BBS9: variants seen among roughly 807,000 people sequenced by gnomAD.
BBS9 encodes Bardet-Biedl syndrome 9, also known as protein PTHB1.
In BBS9, 89 loss-of-function variants were observed where a neutral mutation model predicts 117.7. That is an observed-to-expected ratio of 0.76 (90% confidence interval 0.64 to 0.90). The LOEUF is 0.90. Ranked by LOEUF, BBS9 falls within the 40% of genes least tolerant of loss-of-function variation. The pLI, the probability that BBS9 is intolerant of heterozygous loss-of-function variation, is 0.00. For synonymous variants in BBS9, 379 were observed against 370.9 expected, an observed-to-expected ratio of 1.02 and a Z score of -0.25; for missense variants, 982 against 1,042.2, an observed-to-expected ratio of 0.94 and a Z score of 0.80.
At chr7:33,408,975 A>T (rs1243771605) in intron 19 of BBS9, among the ~76,000 whole-genome samples, 2 of 152,086 alleles carry the variant, frequency 1.3e-5, no homozygotes, top group Non-Finnish European at 1.5e-5. Flanking sequence ...ATGAACATTT[A>T]TTCATATGTT....
intron 21 of BBS9, among the ~76,000 whole-genome samples, chr7:33,545,481 T>TG (rs1853156159): frequency 6.6e-6 from 1 of 152,124 alleles, no homozygotes; most frequent in Non-Finnish European, 1.5e-5. Flanking sequence ...GTTTCTGCAG[T>TG]GGGGGTGTGT....
At chr7:33,629,143 A>AC (rs1242084997) in intron 21 of BBS9, among the ~76,000 whole-genome samples, 5 of 152,208 alleles carry the variant, frequency 3.3e-5, no homozygotes, top group African/African-American at 1.2e-4. Context: ...GAGCCTGTAC[A>AC]CAAGGAGCAA....
chr7:33,231,445 T>G (rs1792401958), intron 5 of BBS9, among the ~76,000 whole-genome samples: 1 of 125,754 alleles, frequency 8.0e-6, no homozygotes, highest in South Asian at 2.4e-4. Flanking sequence ...TTTTTTTTTT[T>G]GCCAGGACCA....
At chr7:33,300,079 A>G (rs1806067563) in intron 9 of BBS9, among the ~76,000 whole-genome samples, 1 of 152,208 alleles carries the variant, frequency 6.6e-6, no homozygotes, top group African/African-American at 2.4e-5. Context: ...TGAAAGGGCC[A>G]GAGAAGGGAT....
chr7:33,250,538 C>T (rs994205583), intron 5 of BBS9, among the ~76,000 whole-genome samples: 2 of 152,122 alleles, frequency 1.3e-5, no homozygotes, highest in Admixed American at 1.3e-4. Context: ...TCTTTCTATT[C>T]CCATTATCTG....
At chr7:33,471,087 A>G (rs1179624442) in intron 19 of BBS9, among the ~76,000 whole-genome samples, 1 of 152,198 alleles carries the variant, frequency 6.6e-6, no homozygotes, top group Non-Finnish European at 1.5e-5. Flanking sequence ...ACTAAAAAGT[A>G]TGTTTTCCTT....
In BBS9 at chr7:33,283,834, A is replaced by C. The variant is rs1802362787; in HGVS notation, c.1016+9878A>C. On this transcript the variant is annotated intron_variant, in intron 9 of 22. Coordinates refer to ENST00000242067, the MANE Select transcript of BBS9 (RefSeq NM_198428.3). ...TTTGAGGGAGAGTGATGATTAGCTC[A>C]GATCACCTGAATATTTTCACCTTCT... 2.6e-5 allele frequency among the ~76,000 whole-genome samples: 4 copies of C among 152,284 alleles called. No individual in the cohort carries two copies. The South Asian group carries it at 8.3e-4, about 32-fold the overall frequency.
intron 21 of BBS9, among the ~76,000 whole-genome samples, chr7:33,569,749 G>A (rs1857486505): frequency 1.3e-5 from 2 of 152,146 alleles, no homozygotes; most frequent in East Asian, 1.9e-4. Context: ...GTGACAGAGC[G>A]AAACTCCGTT....
At chr7:33,375,581 TTC>T (rs1273435598) in intron 17 of BBS9, among the ~76,000 whole-genome samples, 9 of 148,802 alleles carry the variant, frequency 6.0e-5, no homozygotes, top group Non-Finnish European at 1.2e-4. Flanking sequence ...GCAAATTTCT[TTC>T]TTTCTTTCTT....
chr7:33,169,156 C>A (rs1377308157), intron 4 of BBS9, among the ~76,000 whole-genome samples: 3 of 151,342 alleles, frequency 2.0e-5, no homozygotes, highest in Non-Finnish European at 4.4e-5. Flanking sequence ...TTTTTTATGG[C>A]TGCATAGTAT....
At chr7:33,606,821 G>T (rs990702548), downstream of BBS9, among the ~76,000 whole-genome samples, 1 of 151,968 alleles carries the variant, frequency 6.6e-6, no homozygotes, top group South Asian at 2.1e-4. Context: ...TGTACTTTTA[G>T]CCCTATTTTC....
intron 21 of BBS9, among the ~76,000 whole-genome samples, chr7:33,599,497 T>C (rs539633208): frequency 6.6e-6 from 1 of 152,316 alleles, no homozygotes; most frequent in Admixed American, 6.5e-5. Context: ...ATGTTATCAA[T>C]GTGGAAAAGT....
intron 12 of BBS9, among the ~76,000 whole-genome samples, chr7:33,345,804 C>T (rs996906153): frequency 1.3e-5 from 2 of 152,208 alleles, no homozygotes; most frequent in East Asian, 3.8e-4. Context: ...CGTTCAGACA[C>T]ATACATGTAA....
chr7:33,301,268 T>C (rs983971927), intron 9 of BBS9, among the ~76,000 whole-genome samples: 1 of 152,022 alleles, frequency 6.6e-6, no homozygotes, highest in Admixed American at 6.6e-5. Flanking sequence ...ATCCATTGTG[T>C]TACAAATAAT....
rs114977672 is a variant in BBS9 at position 33,573,161 on chromosome 7, A to G, written c.2522-31704A>G. 3.7e-3 allele frequency among the ~76,000 whole-genome samples: 565 copies of G among 152,152 alleles called. 7 individuals carry two copies. Among genetic ancestry groups the G allele is most frequent in the African/African-American group, 0.013 (536 of 41,530 alleles). ...TAATTTTCTAATTTTCTGGTACAAT[A>G]AGACATTTTTGGCCTATTTTGTACC... is the stretch of plus-strand genomic sequence containing the variant. On this transcript the variant is annotated intron_variant, in intron 21 of 22. Coordinates refer to ENST00000242067, the MANE Select transcript of BBS9 (RefSeq NM_198428.3).
At chr7:33,492,080 A>G (rs1163019964) in intron 19 of BBS9, among the ~76,000 whole-genome samples, 3 of 151,762 alleles carry the variant, frequency 2.0e-5, no homozygotes, top group Non-Finnish European at 4.4e-5. Context: ...GCGAATGCCT[A>G]TAATCCCAGC....
chr7:33,259,634 C>T (rs916401877), intron 6 of BBS9, among the ~76,000 whole-genome samples: 2 of 152,054 alleles, frequency 1.3e-5, no homozygotes, highest in Admixed American at 6.6e-5. Context: ...CTTGGCTTCC[C>T]AAAGTGCTGG....
At chr7:33,363,613 T>G (rs1821045896) in intron 16 of BBS9, among the ~76,000 whole-genome samples, 1 of 152,178 alleles carries the variant, frequency 6.6e-6, no homozygotes, top group African/African-American at 2.4e-5. Context: ...TGGGATAATG[T>G]TGAATAGAAA....
At chr7:33,156,444 T>C (rs1794102350) in intron 4 of BBS9, among the ~76,000 whole-genome samples, 1 of 152,188 alleles carries the variant, frequency 6.6e-6, no homozygotes, top group East Asian at 1.9e-4. Context: ...TCCTCTCCTT[T>C]GGAGCTTGCT....
Sources: gnomAD v4.1 joint callset for allele counts (sites outside exome capture counted in the v4.1 genomes callset) on GRCh38, gnomAD v4.1.1 for gene constraint, MANE v1.5 for transcripts, NCBI Gene and HGNC (gene_info 2026-07-23, HGNC 2026-07-21) for gene names.